Variants in ERI1 observed in about 807,000 individuals in gnomAD.
ERI1 encodes 3'-5' exoribonuclease 1.
ERI1 carries 39 observed loss-of-function variants against 39.7 expected under a neutral mutation model. The ratio of observed to expected loss-of-function variants is 0.98; its 90% CI spans 0.76 to 1.28. The LOEUF (loss-of-function observed/expected upper bound fraction) is 1.28, where lower values mean the gene tolerates loss of function less well. Among genes scored for constraint, ERI1 ranks in the 50% most tolerant of loss-of-function variants. The probability of loss-of-function intolerance (pLI) is 0.00; values close to 1 mark genes in which losing one functional copy is unlikely to be tolerated. For missense variants in ERI1, 581 were observed against 416.9 expected, an observed-to-expected ratio of 1.39 and a Z score of -3.43; for synonymous variants, 204 against 149.6, an observed-to-expected ratio of 1.36 and a Z score of -2.65.
intron 3 of ERI1, among the ~76,000 whole-genome samples, chr8:9,065,520 G>A (rs1179910625): frequency 1.3e-5 from 2 of 151,642 alleles, no homozygotes; most frequent in African/African-American, 2.4e-5. Flanking sequence ...GTGGTGAAAC[G>A]CCGTCTCTAC....
Position 9,033,286 on chromosome 8 carries a change from A to G in ERI1, c.*3252A>G, listed in dbSNP as rs1389489562. On this transcript the variant is annotated 3_prime_UTR_variant, in exon 7 of 7. Coordinates refer to ENST00000250263, the MANE Select transcript of ERI1 (RefSeq NM_153332.4). ...TTAATGGCTCAAAATAATATTTTGT[A>G]TAATACGAAAATTACGAAATTTTAG... 6.6e-6 allele frequency: 1 copy of G among 152,202 alleles called. No homozygotes were observed. The highest frequency in any genetic ancestry group is 1.5e-5 in the Non-Finnish European group (1 of 68,034). The allele number at this position is 152,202 out of a possible 1,614,324, so 9.4% of individuals were successfully genotyped here.
At chr8:9,005,448 G>C (rs531953025) in intron 1 of ERI1, among the ~76,000 whole-genome samples, 2 of 151,138 alleles carry the variant, frequency 1.3e-5, no homozygotes, top group Non-Finnish European at 2.9e-5. Flanking sequence ...AGCAATTATA[G>C]AATACCTGTC....
At chr8:9,028,444 G>T (rs13271797) in intron 6 of ERI1, among the ~76,000 whole-genome samples, 1 of 151,844 alleles carries the variant, frequency 6.6e-6, no homozygotes, top group African/African-American at 2.4e-5. Flanking sequence ...ATAATTATAG[G>T]TGTTTTACAT....
intron 3 of ERI1, among the ~76,000 whole-genome samples, chr8:9,063,017 G>A (rs1180636483): frequency 6.6e-6 from 1 of 152,192 alleles, no homozygotes; most frequent in African/African-American, 2.4e-5. Flanking sequence ...GCAAGGAATT[G>A]CAACTCAGAA....
chr8:9,082,752 A>G (rs550033537), intron 3 of ERI1, among the ~76,000 whole-genome samples: 15 of 152,298 alleles, frequency 9.8e-5, no homozygotes, highest in Non-Finnish European at 1.8e-4. Context: ...CCTTGAACCT[A>G]TCTAACGTCT....
intron 3 of ERI1, among the ~76,000 whole-genome samples, chr8:9,098,220 C>A (rs1799938673): frequency 6.6e-6 from 1 of 152,092 alleles, no homozygotes; most frequent in African/African-American, 2.4e-5. Context: ...CCTGTCTCTA[C>A]TAAAAATACA....
At chr8:9,018,609 T>C (rs1817552746) in intron 5 of ERI1, among the ~76,000 whole-genome samples, 1 of 152,176 alleles carries the variant, frequency 6.6e-6, no homozygotes, top group Non-Finnish European at 1.5e-5. Context: ...ACTAGAACAC[T>C]ACAGAAAGTT....
At chr8:9,070,830 A>G (rs1054278199) in intron 3 of ERI1, among the ~76,000 whole-genome samples, 7 of 152,172 alleles carry the variant, frequency 4.6e-5, no homozygotes, top group African/African-American at 1.4e-4. Context: ...TTGGGGATGA[A>G]TTAGTTTGAA....
intron 3 of ERI1, among the ~76,000 whole-genome samples, chr8:9,089,329 T>C (rs1585300325): frequency 6.6e-6 from 1 of 152,338 alleles, no homozygotes; most frequent in East Asian, 1.9e-4. Flanking sequence ...GGTCTTGAAC[T>C]ACTGGCTTCA....
intron 3 of ERI1, 81 bp from the exon 4 acceptor site, chr8:9,016,241 C>A: frequency 2.7e-6 from 2 of 729,566 alleles, no homozygotes; most frequent in African/African-American, 1.8e-5. Flanking sequence ...TTGCAACCTG[C>A]TGTGATGAAT....
chr8:9,012,055 C>T (rs925177846), intron 3 of ERI1, among the ~76,000 whole-genome samples: 1 of 152,078 alleles, frequency 6.6e-6, no homozygotes, highest in Non-Finnish European at 1.5e-5. Flanking sequence ...ACTAATGATA[C>T]TGATGCCTGG....
At chr8:9,026,787 C>G (rs764827560) in intron 6 of ERI1, among the ~76,000 whole-genome samples, 1 of 151,574 alleles carries the variant, frequency 6.6e-6, no homozygotes, top group East Asian at 1.9e-4. Flanking sequence ...TTTCAAAATC[C>G]AAAAAATTTC....
At chr8:9,011,311 A>T (rs1334697221) in intron 2 of ERI1, among the ~76,000 whole-genome samples, 1 of 152,246 alleles carries the variant, frequency 6.6e-6, no homozygotes, top group Non-Finnish European at 1.5e-5. Context: ...ATATACTACT[A>T]AAATAAAAAA....
chr8:9,065,424 A>T (rs986578851), intron 3 of ERI1, among the ~76,000 whole-genome samples: 1 of 152,166 alleles, frequency 6.6e-6, no homozygotes, highest in Admixed American at 6.5e-5. Flanking sequence ...AGCTGGGCGC[A>T]GTGGCTCACA....
chr8:9,090,958 T>G (rs1490586104), intron 3 of ERI1, among the ~76,000 whole-genome samples: 1 of 152,212 alleles, frequency 6.6e-6, no homozygotes, highest in African/African-American at 2.4e-5. Flanking sequence ...TTTCTAATAC[T>G]TAGCATTTAA....
intron 3 of ERI1, among the ~76,000 whole-genome samples, chr8:9,075,747 G>A (rs17646349): frequency 0.45 from 68,844 of 151,842 alleles, 16,356 homozygotes; most frequent in Non-Finnish European, 0.5. Flanking sequence ...ATCACCCAGA[G>A]GTTAACTATT....
At chr8:9,092,908 A>G (rs1281435592) in intron 3 of ERI1, among the ~76,000 whole-genome samples, 1 of 152,174 alleles carries the variant, frequency 6.6e-6, no homozygotes, top group Non-Finnish European at 1.5e-5. Flanking sequence ...GGGAGGGAGA[A>G]TCTGTTCAGG....
chr8:9,005,193 C>T, intron 1 of ERI1, among the ~76,000 whole-genome samples: 1 of 152,084 alleles, frequency 6.6e-6, no homozygotes, highest in East Asian at 1.9e-4. Context: ...TTTCAGTGTG[C>T]AGATGCAGAG....
At chr8:9,094,481 G>A (rs940353698) in intron 3 of ERI1, among the ~76,000 whole-genome samples, 56 of 152,096 alleles carry the variant, frequency 3.7e-4, no homozygotes, top group African/African-American at 1.2e-3. Context: ...CCCACCATCT[G>A]CCCCACCTGT....
Sources: gnomAD v4.1 joint callset for allele counts (sites outside exome capture counted in the v4.1 genomes callset) on GRCh38, gnomAD v4.1.1 for gene constraint, MANE v1.5 for transcripts, NCBI Gene and HGNC (gene_info 2026-07-23, HGNC 2026-07-21) for gene names.